The following THOC1 variants were observed in gnomAD, a reference collection of about 807,000 sequenced individuals.
THOC1 encodes the protein THO complex subunit 1, also known as THO complex 1.
Under a neutral mutation model 97.3 loss-of-function variants are expected in THOC1, and 29 were observed. That is an observed-to-expected ratio of 0.30 (90% confidence interval 0.22 to 0.41). The LOEUF (loss-of-function observed/expected upper bound fraction) is 0.41. THOC1 is among the 10% of genes least tolerant of loss of function. The pLI is 1.00. For synonymous variants in THOC1, 255 were observed against 257.0 expected (o/e 0.99, Z 0.07); for missense variants, 529 against 761.9 (o/e 0.69, Z 3.60).
intron 1 of THOC1, 30 bp from the exon 2 acceptor site, chr18:265,560 G>T: frequency 1.3e-6 from 2 of 1,500,160 alleles, no homozygotes; most frequent in South Asian, 2.5e-5. Flanking sequence ...GCAAATAATT[G>T]TAAAGATTTT....
chr18:263,242 G>A (rs1393388413), intron 4 of THOC1, among the ~76,000 whole-genome samples: 2 of 152,024 alleles, frequency 1.3e-5, no homozygotes, highest in African/African-American at 4.8e-5. Context: ...CACCGCGCCC[G>A]GCTAATTTTT....
intron 18 of THOC1, 70 bp from the exon 19 acceptor site, chr18:216,703 C>T: frequency 2.7e-6 from 4 of 1,508,244 alleles, no homozygotes; most frequent in Non-Finnish European, 2.7e-6. Context: ...CTCAGTTCTG[C>T]CATGTGTAAT....
chr18:243,722 T>G (rs1224553919), intron 11 of THOC1, among the ~76,000 whole-genome samples: 1 of 152,122 alleles, frequency 6.6e-6, no homozygotes, highest in Non-Finnish European at 1.5e-5. Context: ...TAGGTAACCT[T>G]GGGAAGGTTC....
chr18:249,624 T>C (rs527337883), intron 9 of THOC1, among the ~76,000 whole-genome samples: 1 of 148,878 alleles, frequency 6.7e-6, no homozygotes, highest in Non-Finnish European at 1.5e-5. Flanking sequence ...ATCACAGCAC[T>C]GCACTCCAGC....
At chr18:226,559 A>T (rs912265025) in intron 12 of THOC1, among the ~76,000 whole-genome samples, 2 of 152,142 alleles carry the variant, frequency 1.3e-5, no homozygotes, top group African/African-American at 4.8e-5. Flanking sequence ...CCTGCTAATA[A>T]AGACGACAAC....
At chr18:218,510 C>G (rs1910970796) in intron 18 of THOC1, among the ~76,000 whole-genome samples, 1 of 152,058 alleles carries the variant, frequency 6.6e-6, no homozygotes, top group Non-Finnish European at 1.5e-5. Context: ...ACAGAAGAAC[C>G]ATGGATTTGG....
At chr18:256,273 C>T (rs1280804723) in intron 7 of THOC1, among the ~76,000 whole-genome samples, 1 of 152,096 alleles carries the variant, frequency 6.6e-6, no homozygotes, top group Non-Finnish European at 1.5e-5. Flanking sequence ...AATCTAGATG[C>T]CATAAAGAAC....
intron 1 of THOC1, among the ~76,000 whole-genome samples, chr18:267,585 T>C (rs1347301379): frequency 6.6e-6 from 1 of 152,158 alleles, no homozygotes; most frequent in Non-Finnish European, 1.5e-5. Flanking sequence ...GCCAGGTCTT[T>C]GGACTGAAAC....
chr18:226,626 A>G (rs979219198), intron 12 of THOC1, among the ~76,000 whole-genome samples, 175 bp downstream of exon 12: 1 of 152,164 alleles, frequency 6.6e-6, no homozygotes, highest in African/African-American at 2.4e-5. Context: ...TATATTTAAC[A>G]TCTTTTCCTT....
At chr18:217,736 A>C (rs1297331778) in intron 18 of THOC1, among the ~76,000 whole-genome samples, 2 of 152,136 alleles carry the variant, frequency 1.3e-5, no homozygotes, top group Non-Finnish European at 1.5e-5. Context: ...AAAAGAGGAG[A>C]CCAGGGAGGG....
intron 9 of THOC1, among the ~76,000 whole-genome samples, chr18:250,643 A>T (rs1912249240): frequency 6.6e-6 from 1 of 152,216 alleles, no homozygotes; most frequent in Non-Finnish European, 1.5e-5. Context: ...GTAGATGGGT[A>T]ATGAGTTCTG....
At chr18:223,329 C>A in intron 17 of THOC1, 111 bp downstream of exon 17, 1 of 813,144 alleles carries the variant, frequency 1.2e-6, no homozygotes, top group South Asian at 2.2e-5. Flanking sequence ...CAAAAGTCAA[C>A]CACAATAAAC....
intron 11 of THOC1, among the ~76,000 whole-genome samples, chr18:235,924 ATACATACT>A (rs1371313725): frequency 6.6e-6 from 1 of 152,240 alleles, no homozygotes; most frequent in Non-Finnish European, 1.5e-5. Flanking sequence ...GCAGTTAAAA[ATACATACT>A]GTAATTGTGG....
At chr18:249,448 C>G (rs1912204640) in intron 9 of THOC1, among the ~76,000 whole-genome samples, 1 of 151,952 alleles carries the variant, frequency 6.6e-6, no homozygotes, top group Non-Finnish European at 1.5e-5. Flanking sequence ...GGGCGGATCA[C>G]GAGGTCAGTT....
At chr18:251,377 T>C (rs771468690) in intron 9 of THOC1, among the ~76,000 whole-genome samples, 123 of 152,308 alleles carry the variant, frequency 8.1e-4, no homozygotes, top group Non-Finnish European at 1.0e-3. Flanking sequence ...GTAATGGAAA[T>C]TCTTTCAATT....
chr18:226,320 G>A (rs1342398326), intron 12 of THOC1: 1 of 154,316 alleles, frequency 6.5e-6, no homozygotes, highest in Admixed American at 6.4e-5. Context: ...GGAGGAAATG[G>A]ATGGAAGTAT....
In THOC1 at chr18:224,069, GA is replaced by G. The variant is rs776390552; in HGVS notation, c.1304+14del. The G allele has an allele frequency of 1.3e-6, 2 of 1,539,100 alleles. No homozygotes were observed. The highest frequency in any genetic ancestry group is 1.8e-6 in the Non-Finnish European group (2 of 1,119,434). ...AATAACTAAGAACATCCCACATGAA[GA>G]CAAATTCACCTACTTTCCCATCAGA... On this transcript the variant is annotated intron_variant, in intron 16 of 20. Transcript: ENST00000261600.
At chr18:266,378 CCAG>C (rs1341801309) in intron 1 of THOC1, among the ~76,000 whole-genome samples, 1 of 152,028 alleles carries the variant, frequency 6.6e-6, no homozygotes, top group Non-Finnish European at 1.5e-5. Flanking sequence ...ATTTTTACTA[CCAG>C]CAGCAGCTAC....
At chr18:244,302 C>T (rs1283539119) in intron 11 of THOC1, 1 of 151,802 alleles carries the variant, frequency 6.6e-6, no homozygotes, top group African/African-American at 2.4e-5. Flanking sequence ...TTGTGCTCAC[C>T]GTTGCCTTCT....
Sources: gnomAD v4.1 joint callset for allele counts (sites outside exome capture counted in the v4.1 genomes callset) on GRCh38, gnomAD v4.1.1 for gene constraint, MANE v1.5 for transcripts, NCBI Gene and HGNC (gene_info 2026-07-23, HGNC 2026-07-21) for gene names.